LHCGR: variants seen among roughly 807,000 people sequenced by gnomAD.
LHCGR encodes the protein lutropin-choriogonadotropic hormone receptor.
A neutral mutation model predicts 60.7 loss-of-function variants in LHCGR; 55 were observed. The ratio of observed to expected loss-of-function variants is 0.91; its 90% CI spans 0.73 to 1.13. The LOEUF (loss-of-function observed/expected upper bound fraction) is 1.13. Ranked by LOEUF, LHCGR falls within the 50% of genes most tolerant of loss-of-function variation. The pLI, the probability that LHCGR is intolerant of heterozygous loss-of-function variation, is 0.00. For missense variants in LHCGR, 862 were observed against 836.0 expected, an observed-to-expected ratio of 1.03 and a Z score of -0.38; for synonymous variants, 337 against 316.5, an observed-to-expected ratio of 1.06 and a Z score of -0.69.
At chr2:48,752,713 G>T (rs1172604840) in intron 1 of LHCGR, among the ~76,000 whole-genome samples, 1 of 151,660 alleles carries the variant, frequency 6.6e-6, no homozygotes, top group Non-Finnish European at 1.5e-5. Flanking sequence ...CTTACCTCAG[G>T]ACTCAAAACT....
chr2:48,743,431 A>G (rs374399011), intron 1 of LHCGR, among the ~76,000 whole-genome samples: 21 of 152,256 alleles, frequency 1.4e-4, no homozygotes, highest in South Asian at 6.2e-4. Context: ...GAACATTGAT[A>G]CAAAAATCCT....
At chr2:48,700,522 A>T (rs774274296) in intron 8 of LHCGR, among the ~76,000 whole-genome samples, 9 of 152,186 alleles carry the variant, frequency 5.9e-5, no homozygotes, top group Non-Finnish European at 8.8e-5. Flanking sequence ...GCAGCTCTTC[A>T]AGCAAATACT....
At chr2:48,694,794 G>T (rs537301820) in intron 9 of LHCGR, among the ~76,000 whole-genome samples, 1 of 152,024 alleles carries the variant, frequency 6.6e-6, no homozygotes, top group African/African-American at 2.4e-5. Flanking sequence ...AGAAACATAC[G>T]TGGGTGCTCC....
intron 3 of LHCGR, among the ~76,000 whole-genome samples, chr2:48,728,854 C>T (rs1297088799): frequency 6.6e-6 from 1 of 152,156 alleles, no homozygotes; most frequent in Non-Finnish European, 1.5e-5. Flanking sequence ...ATCCCAAGTA[C>T]TCCATACCCT....
intron 1 of LHCGR, among the ~76,000 whole-genome samples, chr2:48,749,642 G>A (rs1669864075): frequency 6.6e-6 from 1 of 151,860 alleles, no homozygotes; most frequent in African/African-American, 2.4e-5. Flanking sequence ...GCCAACTGAG[G>A]GGCTTAGGAA....
intron 1 of LHCGR, among the ~76,000 whole-genome samples, chr2:48,738,592 G>T (rs1669301171): frequency 6.6e-6 from 1 of 152,120 alleles, no homozygotes; most frequent in African/African-American, 2.4e-5. Flanking sequence ...TTATTCACCA[G>T]TTGTATCACC....
chr2:48,743,218 A>T (rs1669552065), intron 1 of LHCGR, among the ~76,000 whole-genome samples: 1 of 152,100 alleles, frequency 6.6e-6, no homozygotes, highest in Admixed American at 6.5e-5. Context: ...ACCAACCAAA[A>T]AGAGTCCAGG....
chr2:48,739,958 C>G (rs927864577), intron 1 of LHCGR, among the ~76,000 whole-genome samples: 11 of 152,214 alleles, frequency 7.2e-5, no homozygotes, highest in Middle Eastern at 3.4e-3. Flanking sequence ...GAGTGCCAGA[C>G]AGTGGGCGCA....
At chr2:48,730,250 C>T (rs761866034) in intron 2 of LHCGR, among the ~76,000 whole-genome samples, 11 of 152,122 alleles carry the variant, frequency 7.2e-5, no homozygotes, top group Non-Finnish European at 1.5e-4. Flanking sequence ...TATTGGTTTG[C>T]TTATTTAACT....
chr2:48,689,938 T>A (rs1027186035), intron 10 of LHCGR, among the ~76,000 whole-genome samples: 5 of 152,074 alleles, frequency 3.3e-5, no homozygotes, highest in African/African-American at 4.8e-5. Flanking sequence ...TTGGTCTCCA[T>A]CTCCTGACCT....
At chr2:48,717,792 C>T (rs1205222770) in intron 6 of LHCGR, among the ~76,000 whole-genome samples, 1 of 148,600 alleles carries the variant, frequency 6.7e-6, no homozygotes, top group Non-Finnish European at 1.5e-5. Context: ...TTGGTCTGTA[C>T]TAGCGTCATG....
chr2:48,716,013 G>C (rs1668232229), intron 6 of LHCGR, among the ~76,000 whole-genome samples: 1 of 152,082 alleles, frequency 6.6e-6, no homozygotes, highest in African/African-American at 2.4e-5. Context: ...GCTCTCATAT[G>C]CTTTCTTCTG....
At chr2:48,708,610 A>G (rs567848647) in intron 8 of LHCGR, among the ~76,000 whole-genome samples, 61 of 152,200 alleles carry the variant, frequency 4.0e-4, no homozygotes, top group African/African-American at 1.4e-3. Flanking sequence ...GAAGACTGGA[A>G]TTATGCTGCC....
At chr2:48,732,631 T>A (rs1032098769) in intron 1 of LHCGR, among the ~76,000 whole-genome samples, 1 of 152,134 alleles carries the variant, frequency 6.6e-6, no homozygotes, top group African/African-American at 2.4e-5. Context: ...CCCTGTGCAA[T>A]ACTGGCCAAA....
chr2:48,749,611 C>G (rs555736807), intron 1 of LHCGR, among the ~76,000 whole-genome samples: 1 of 151,232 alleles, frequency 6.6e-6, no homozygotes, highest in East Asian at 2.0e-4. Context: ...TTTGTTGCCT[C>G]ATTTCAAGAC....
At chr2:48,712,814 T>C (rs7371084) in intron 7 of LHCGR, among the ~76,000 whole-genome samples, 18,567 of 152,146 alleles carry the variant, frequency 0.12, 1,510 homozygotes, top group East Asian at 0.27. Flanking sequence ...ACACTGTGGC[T>C]TAGATCGGTT....
chr2:48,687,935 A>G lies in LHCGR; in HGVS notation c.1862T>C (p.Phe621Ser), dbSNP rs187842255. ...FYPINSCANP[F>S]LYAIFTKTFQ... The stretch of plus-strand genomic sequence containing the variant: ...TGTCTTAGTGAATATTGCATACAGA[A>G]ATGGATTGGCACAAGAATTGATGGG... Residue 621 changes from phenylalanine to serine, a missense_variant, in exon 11 of 11, where the codon TTT becomes TCT. Transcript: ENST00000294954. 5 of 1,614,178 alleles carry G rather than the reference A, an allele frequency of 3.1e-6. No individual in the cohort carries two copies. The highest frequency in any genetic ancestry group is 4.2e-6 in the Non-Finnish European group (5 of 1,180,006).
At chr2:48,708,840 A>C in intron 8 of LHCGR, 108 bp downstream of exon 8, 1 of 867,210 alleles carries the variant, frequency 1.2e-6, no homozygotes. Context: ...TTTCAGGTGT[A>C]GAGGCTGATG....
chr2:48,739,994 C>T (rs998838729), intron 1 of LHCGR, among the ~76,000 whole-genome samples: 12 of 152,268 alleles, frequency 7.9e-5, no homozygotes, highest in South Asian at 4.1e-4. Flanking sequence ...GCACCATGCG[C>T]GAGCTGAAGC....
Sources: allele counts gnomAD v4.1 joint callset (sites outside exome capture counted in the v4.1 genomes callset), GRCh38; gene constraint gnomAD v4.1.1; transcripts MANE v1.5; gene names NCBI Gene and HGNC (gene_info 2026-07-23, HGNC 2026-07-21).